The following FSD1L variants were observed in gnomAD, a reference collection of about 807,000 sequenced individuals.
The protein encoded by FSD1L is fibronectin type III and SPRY domain containing 1 like.
A neutral mutation model predicts 71.6 loss-of-function variants in FSD1L; 45 were observed. The ratio of observed to expected loss-of-function variants is 0.63; its 90% confidence interval spans 0.49 to 0.81. The LOEUF (loss-of-function observed/expected upper bound fraction) is 0.81, where lower values mean the gene tolerates loss of function less well. Among genes scored for constraint, FSD1L ranks in the 30% least tolerant of loss-of-function variants. FSD1L has a pLI of 0.00. For synonymous variants in FSD1L, 197 were observed against 207.2 expected (o/e 0.95, Z 0.42); for missense variants, 561 against 618.1 (o/e 0.91, Z 0.98).
At chr9:105,504,149 T>C (rs941801438) in intron 7 of FSD1L, among the ~76,000 whole-genome samples, 9 of 152,262 alleles carry the variant, frequency 5.9e-5, no homozygotes, top group African/African-American at 2.2e-4. Context: ...TCCTTACATG[T>C]AGGCATAGCA....
chr9:105,496,908 G>A (rs1406615146), intron 7 of FSD1L, among the ~76,000 whole-genome samples: 1 of 152,234 alleles, frequency 6.6e-6, no homozygotes. Context: ...TATGTTGGAA[G>A]CAGTAGAAAG....
intron 7 of FSD1L, among the ~76,000 whole-genome samples, chr9:105,492,874 A>G (rs1199910072): frequency 6.6e-6 from 1 of 152,154 alleles, no homozygotes; most frequent in Non-Finnish European, 1.5e-5. Flanking sequence ...ACAGTTTGTT[A>G]TAATTTCTGA....
chr9:105,471,961 G>T lies in FSD1L; in HGVS notation c.397G>T (p.Ala133Ser), dbSNP rs117347201. ...LENSEELLEF[A>S]TRSLDIKEPE... ...GAACTCTGAAGAACTATTAGAATTT[G>T]CAACAAGGTCATTAGATATAAAGGA... Residue 133 changes from alanine to serine, a missense_variant, in exon 5 of 14, where the codon GCA (alanine) becomes TCA (serine). By Grantham distance (99) the Ala-to-Ser change is moderately conservative. Around this residue, in one of 3 missense-constraint regions of FSD1L, gnomAD observed 410 missense variants for 413.5 expected, o/e 0.99. Transcript: ENST00000481272. The T allele has an allele frequency of 8.9e-3, 12,670 of 1,423,106 alleles. 84 individuals carry two copies. Among genetic ancestry groups the T allele is most frequent in the Middle Eastern group, 0.019 (105 of 5,666 alleles). 88.2% of individuals were successfully genotyped at this position (1,423,106 alleles called of 1,614,324 possible). A position where few individuals can be genotyped will look rare whatever the true frequency, so the allele number is the denominator to read the frequency against.
At chr9:105,478,518 A>G (rs946152127) in intron 5 of FSD1L, among the ~76,000 whole-genome samples, 1 of 152,206 alleles carries the variant, frequency 6.6e-6, no homozygotes, top group South Asian at 2.1e-4. Flanking sequence ...TGTTAACTGT[A>G]CTGGTTACTG....
chr9:105,535,424 A>G, intron 12 of FSD1L, 106 bp downstream of exon 12: 4 of 1,200,888 alleles, frequency 3.3e-6, no homozygotes, highest in Non-Finnish European at 4.7e-6. Flanking sequence ...TGGGAAGGAC[A>G]TTTTGATCAG....
intron 7 of FSD1L, among the ~76,000 whole-genome samples, chr9:105,494,174 A>G (rs1188796009): frequency 1.3e-5 from 2 of 152,078 alleles, no homozygotes; most frequent in Non-Finnish European, 2.9e-5. Context: ...ACATAGTCCC[A>G]TATTTCTTGG....
At chr9:105,539,137 C>A (rs1836448295) in intron 12 of FSD1L, 126 bp from the exon 13 acceptor site, 2 of 569,514 alleles carry the variant, frequency 3.5e-6, no homozygotes, top group Non-Finnish European at 6.1e-6. Flanking sequence ...AATAATTAAT[C>A]CAGTCCTCAT....
chr9:105,491,950 C>G (rs1176185398), intron 7 of FSD1L, among the ~76,000 whole-genome samples: 2 of 152,068 alleles, frequency 1.3e-5, no homozygotes. Context: ...GGATATTGGT[C>G]TAAAATTCTC....
chr9:105,453,578 A>C (rs1830187652), intron 1 of FSD1L, among the ~76,000 whole-genome samples: 1 of 152,022 alleles, frequency 6.6e-6, no homozygotes, highest in South Asian at 2.1e-4. Flanking sequence ...GGAATGTCTT[A>C]GCTTTCTATA....
intron 7 of FSD1L, among the ~76,000 whole-genome samples, chr9:105,489,839 C>T (rs1295708696): frequency 6.6e-6 from 1 of 152,204 alleles, no homozygotes; most frequent in Admixed American, 6.5e-5. Flanking sequence ...ATGAACTCAT[C>T]ATTTTTATGG....
intron 1 of FSD1L, among the ~76,000 whole-genome samples, chr9:105,454,350 G>A (rs1830233702): frequency 1.3e-5 from 2 of 152,094 alleles, no homozygotes; most frequent in South Asian, 4.1e-4. Context: ...GTACCCTTTT[G>A]TTGTATCTTT....
At chr9:105,473,838 T>C (rs1831626437) in intron 5 of FSD1L, among the ~76,000 whole-genome samples, 1 of 152,250 alleles carries the variant, frequency 6.6e-6, no homozygotes, top group Admixed American at 6.5e-5. Flanking sequence ...TCTGTTTCAC[T>C]GTCCTTTATT....
intron 13 of FSD1L, among the ~76,000 whole-genome samples, chr9:105,543,682 T>C (rs1328852788): frequency 6.6e-6 from 1 of 151,470 alleles, no homozygotes; most frequent in African/African-American, 2.4e-5. Context: ...GAACATGTGG[T>C]GTTTGGTTTT....
intron 6 of FSD1L, among the ~76,000 whole-genome samples, chr9:105,483,514 G>C (rs756872407): frequency 5.9e-5 from 9 of 151,890 alleles, no homozygotes; most frequent in Non-Finnish European, 1.0e-4. Flanking sequence ...GATAGTAAGG[G>C]GCTTACTTTG....
Position 105,514,804 on chromosome 9 carries a change from C to G in FSD1L, c.1025+1868C>G, listed in dbSNP as rs1315444786. On this transcript the variant is annotated intron_variant, in intron 10 of 13. Coordinates refer to ENST00000481272, the MANE Select transcript of FSD1L (RefSeq NM_001145313.3). ...AGATCACAAGTAGTGGATCTTCTCA[C>G]TGCCAGCAAGCCCCAAACAAAAAGG... 2.6e-5 allele frequency among the ~76,000 whole-genome samples: 4 copies of G among 152,292 alleles called. No homozygotes were observed. In the East Asian group the frequency reaches 7.7e-4, roughly 29 times the overall value.
chr9:105,513,223 T>C (rs772561297), intron 10 of FSD1L, among the ~76,000 whole-genome samples: 11 of 152,156 alleles, frequency 7.2e-5, no homozygotes, highest in Non-Finnish European at 1.6e-4. Flanking sequence ...AGAAGAAGTT[T>C]CTAGTATAAT....
chr9:105,545,491 T>G (rs919152697), intron 13 of FSD1L, among the ~76,000 whole-genome samples: 1 of 148,110 alleles, frequency 6.8e-6, no homozygotes, highest in Non-Finnish European at 1.5e-5. Flanking sequence ...AGGGCATCCC[T>G]GTCTTGTGCC....
intron 10 of FSD1L, chr9:105,513,555 G>A (rs1253504537): frequency 2.7e-6 from 4 of 1,491,662 alleles, no homozygotes; most frequent in Admixed American, 4.1e-5. Context: ...TTAAATTTAA[G>A]TTGTAAAACA....
chr9:105,448,257 G>C (rs750840046), intron 1 of FSD1L, 22 bp downstream of exon 1: 1 of 1,531,198 alleles, frequency 6.5e-7, no homozygotes, highest in South Asian at 1.2e-5. Flanking sequence ...AGGGGAGCCC[G>C]GGGCTACCGA....
Sources: gnomAD v4.1 joint callset for allele counts (sites outside exome capture counted in the v4.1 genomes callset) on GRCh38, gnomAD v4.1.1 for gene constraint, gnomAD v4.1.1 regional missense constraint, MANE v1.5 for transcripts, NCBI Gene and HGNC (gene_info 2026-07-23, HGNC 2026-07-21) for gene names.